Variants in NIPBL observed in about 807,000 individuals in gnomAD.
The protein encoded by NIPBL is nipped-B-like protein.
NIPBL carries 19 observed loss-of-function variants against 321.8 expected under a neutral mutation model. That is an observed-to-expected ratio of 0.06 (90% CI 0.04 to 0.09). NIPBL has a LOEUF of 0.09. NIPBL is among the 10% of genes least tolerant of loss of function. The probability of loss-of-function intolerance (pLI) is 1.00; values close to 1 mark genes in which losing one functional copy is unlikely to be tolerated. For missense variants in NIPBL, 2,210 were observed against 3,327.0 expected, an observed-to-expected ratio of 0.66 and a Z score of 8.26; for synonymous variants, 1,106 against 1,114.1, an observed-to-expected ratio of 0.99 and a Z score of 0.14.
chr5:37,050,479 CAAA>C (rs370627067), intron 40 of NIPBL, among the ~76,000 whole-genome samples: 7 of 82,204 alleles, frequency 8.5e-5, no homozygotes, highest in East Asian at 7.0e-4. Flanking sequence ...GACTCCATCT[CAAA>C]AAAAAAAAAA....
At chr5:36,945,794 AG>A (rs1346007076) in intron 1 of NIPBL, among the ~76,000 whole-genome samples, 12 of 152,166 alleles carry the variant, frequency 7.9e-5, no homozygotes, top group African/African-American at 2.9e-4. Flanking sequence ...TCCTTTCAGA[AG>A]TATCTTAAAT....
Position 37,042,735 on chromosome 5 carries a change from A to C in NIPBL, c.6109-1612A>C, listed in dbSNP as rs994664919. ...CCTCCAGCTACTCTGGAGGCTGAGG[A>C]GAATCACTTGAACTCAGGAGGCGGA... is the stretch of plus-strand genomic sequence containing the variant. On this transcript the variant is annotated intron_variant, in intron 34 of 46. Coordinates refer to ENST00000282516, the MANE Select transcript of NIPBL (RefSeq NM_133433.4). 2.6e-5 allele frequency among the ~76,000 whole-genome samples: 4 copies of C among 151,574 alleles called. 1 individual carries two copies. The highest frequency in any genetic ancestry group is 4.8e-5 in the African/African-American group (2 of 41,244).
chr5:36,999,021 T>C (rs941095265), intron 11 of NIPBL, among the ~76,000 whole-genome samples: 1 of 152,182 alleles, frequency 6.6e-6, no homozygotes, highest in African/African-American at 2.4e-5. Context: ...AAATGACCTT[T>C]TCCTGCCATG....
At chr5:36,953,431 G>A (rs895151422) in intron 1 of NIPBL, among the ~76,000 whole-genome samples, 187 bp from the exon 2 acceptor site, 1 of 152,176 alleles carries the variant, frequency 6.6e-6, no homozygotes, top group South Asian at 2.1e-4. Flanking sequence ...GTTGTTGTGA[G>A]AACTGAATTA....
chr5:37,044,314 G>T (rs1752757389), intron 34 of NIPBL, 33 bp from the exon 35 acceptor site: 5 of 1,599,184 alleles, frequency 3.1e-6, no homozygotes, highest in Non-Finnish European at 4.3e-6. Context: ...TCAGGTTTTG[G>T]ATATTCATAA....
rs146714204 is a variant in NIPBL, at chr5:36,904,208, C to T, written c.-80+27030C>T. 5.3e-5 allele frequency among the ~76,000 whole-genome samples: 8 copies of T among 152,346 alleles called. No homozygotes were observed. In the East Asian group the frequency reaches 1.3e-3, roughly 26 times the overall value. On this transcript the variant is annotated intron_variant, in intron 1 of 46. Transcript: ENST00000282516. ...AAACTGGGCCGGGTGCGGTGGCTCG[C>T]GCCTCTAATCCCAGCACTTTGGGAG... is the stretch of plus-strand genomic sequence containing the variant.
At chr5:37,050,331 G>A (rs1753401416) in intron 40 of NIPBL, among the ~76,000 whole-genome samples, 1 of 151,934 alleles carries the variant, frequency 6.6e-6, no homozygotes, top group Non-Finnish European at 1.5e-5. Context: ...AGGTGTGGTG[G>A]CACATGCCTG....
chr5:36,948,406 T>C (rs1004778435), intron 1 of NIPBL, among the ~76,000 whole-genome samples: 2 of 152,006 alleles, frequency 1.3e-5, no homozygotes, highest in Admixed American at 1.3e-4. Context: ...AAAAGGAAAA[T>C]GCTTTAGTTA....
intron 10 of NIPBL, among the ~76,000 whole-genome samples, chr5:36,994,630 A>G (rs752083538): frequency 3.9e-5 from 6 of 152,176 alleles, no homozygotes; most frequent in Non-Finnish European, 8.8e-5. Context: ...TTATCAGGTA[A>G]GATTTTTCTT....
intron 16 of NIPBL, among the ~76,000 whole-genome samples, chr5:37,005,778 T>C (rs1341662099): frequency 6.6e-6 from 1 of 152,162 alleles, no homozygotes; most frequent in Non-Finnish European, 1.5e-5. Context: ...AAGTTGCTGA[T>C]GTGTAAATTA....
intron 1 of NIPBL, among the ~76,000 whole-genome samples, chr5:36,908,197 T>A (rs2149542201): frequency 6.6e-6 from 1 of 152,252 alleles, no homozygotes; most frequent in Non-Finnish European, 1.5e-5. Flanking sequence ...GACAATCTTT[T>A]GGGGAAAAAA....
chr5:37,017,236 G>A, intron 24 of NIPBL, 74 bp downstream of exon 24: 1 of 1,398,658 alleles, frequency 7.1e-7, no homozygotes. Flanking sequence ...CATTAGTTTT[G>A]CATTTCATTT....
chr5:36,890,058 T>C (rs1746202180), intron 1 of NIPBL, among the ~76,000 whole-genome samples: 1 of 152,146 alleles, frequency 6.6e-6, no homozygotes, highest in South Asian at 2.1e-4. Context: ...ATGCTATAAA[T>C]TTATTCCTCT....
chr5:36,912,608 T>C (rs1748133356), intron 1 of NIPBL, among the ~76,000 whole-genome samples: 1 of 151,796 alleles, frequency 6.6e-6, no homozygotes, highest in Non-Finnish European at 1.5e-5. Context: ...TTCAAGCGAT[T>C]CTCCTGCCTC....
intron 1 of NIPBL, among the ~76,000 whole-genome samples, chr5:36,896,482 G>A (rs1051541144): frequency 6.6e-6 from 1 of 152,154 alleles, no homozygotes; most frequent in African/African-American, 2.4e-5. Flanking sequence ...TTTGATAGGG[G>A]TCGTATTAAA....
At chr5:36,968,096 A>C (rs76960140) in intron 6 of NIPBL, among the ~76,000 whole-genome samples, 2 of 107,954 alleles carry the variant, frequency 1.9e-5, no homozygotes, top group Non-Finnish European at 3.4e-5. Flanking sequence ...ACTCTGTCTC[A>C]AAAAAAAAAA....
intron 1 of NIPBL, among the ~76,000 whole-genome samples, chr5:36,908,321 G>A (rs1490479856): frequency 1.3e-5 from 2 of 152,126 alleles, no homozygotes; most frequent in Non-Finnish European, 2.9e-5. Flanking sequence ...CTTTACATAT[G>A]ATAGCCCTCT....
At chr5:36,898,621 C>T (rs961755812) in intron 1 of NIPBL, among the ~76,000 whole-genome samples, 2 of 151,368 alleles carry the variant, frequency 1.3e-5, no homozygotes, top group Non-Finnish European at 2.9e-5. Flanking sequence ...AAGTGATTCT[C>T]CTGTCTCAGC....
intron 44 of NIPBL, among the ~76,000 whole-genome samples, chr5:37,059,966 A>T (rs982019780): frequency 7.2e-5 from 11 of 152,348 alleles, no homozygotes; most frequent in African/African-American, 2.6e-4. Context: ...CATTTTTTAC[A>T]TTCATTGAAA....
Sources: allele counts gnomAD v4.1 joint callset (sites outside exome capture counted in the v4.1 genomes callset), GRCh38; gene constraint gnomAD v4.1.1; transcripts MANE v1.5; gene names NCBI Gene and HGNC (gene_info 2026-07-23, HGNC 2026-07-21).